The following IFT81 variants were observed in gnomAD, a reference collection of about 807,000 sequenced individuals.
The protein encoded by IFT81 is intraflagellar transport 81.
Under a neutral mutation model 102.6 loss-of-function variants are expected in IFT81, and 72 were observed. The observed-to-expected ratio is 0.70, with a 90% confidence interval of 0.58 to 0.85. The LOEUF (loss-of-function observed/expected upper bound fraction) is 0.85, where lower values mean the gene tolerates loss of function less well. IFT81 is among the 40% of genes least tolerant of loss of function. The pLI is 0.00. For missense variants in IFT81, 723 were observed against 787.3 expected, an observed-to-expected ratio of 0.92 and a Z score of 0.98; for synonymous variants, 237 against 242.7, an observed-to-expected ratio of 0.98 and a Z score of 0.22.
At chr12:110,204,429 T>A (rs1439829766) in intron 15 of IFT81, 5 of 155,294 alleles carry the variant, frequency 3.2e-5, no homozygotes, top group African/African-American at 1.2e-4. Context: ...CTTCATTGGC[T>A]TCCTGTTGCA....
intron 11 of IFT81, among the ~76,000 whole-genome samples, chr12:110,178,264 A>C (rs964573134): frequency 3.3e-5 from 5 of 151,886 alleles, no homozygotes; most frequent in African/African-American, 1.2e-4. Flanking sequence ...AAATACAAAA[A>C]TTAGCCTGGC....
At chr12:110,173,709 G>A (rs1896896342) in intron 11 of IFT81, among the ~76,000 whole-genome samples, 1 of 152,162 alleles carries the variant, frequency 6.6e-6, no homozygotes, top group Admixed American at 6.5e-5. Flanking sequence ...TCCACTCAGG[G>A]TTAAATGGAT....
intron 12 of IFT81, among the ~76,000 whole-genome samples, chr12:110,182,610 T>C (rs1897352187): frequency 6.6e-6 from 1 of 152,176 alleles, no homozygotes; most frequent in Admixed American, 6.5e-5. Context: ...TAAATATATT[T>C]CTTTCTGTCC....
intron 18 of IFT81, among the ~76,000 whole-genome samples, chr12:110,212,255 A>C (rs1032542489): frequency 1.3e-5 from 2 of 151,898 alleles, no homozygotes; most frequent in Non-Finnish European, 2.9e-5. Context: ...AAAAAAAAAA[A>C]AAAAACTTGG....
intron 12 of IFT81, among the ~76,000 whole-genome samples, chr12:110,181,282 A>C (rs1897307415): frequency 6.6e-6 from 1 of 152,226 alleles, no homozygotes; most frequent in Non-Finnish European, 1.5e-5. Flanking sequence ...TTTACTGTGA[A>C]TCAACATGGA....
intron 10 of IFT81, among the ~76,000 whole-genome samples, chr12:110,161,449 A>AC (rs1263075502): frequency 1.6e-5 from 2 of 123,376 alleles, no homozygotes; most frequent in African/African-American, 6.3e-5. Context: ...CGCCTGACCC[A>AC]CTTTTTTTTT....
intron 14 of IFT81, among the ~76,000 whole-genome samples, chr12:110,195,090 T>C (rs1897944454): frequency 6.6e-6 from 1 of 152,146 alleles, no homozygotes; most frequent in African/African-American, 2.4e-5. Flanking sequence ...ATAGGTAAAT[T>C]TATATATTTA....
chr12:110,139,866 T>TAAATAAAATAAAATAAAATATAAA (rs1477964163), intron 8 of IFT81, among the ~76,000 whole-genome samples: 16 of 130,058 alleles, frequency 1.2e-4, no homozygotes, highest in African/African-American at 4.3e-4. Context: ...TAAAATAAAA[T>TAAATAAAATAAAATAAAATATAAA]ATAAAATAAA....
At chr12:110,134,144 G>C (rs1284479803) in intron 5 of IFT81, among the ~76,000 whole-genome samples, 1 of 152,172 alleles carries the variant, frequency 6.6e-6, no homozygotes, top group Non-Finnish European at 1.5e-5. Flanking sequence ...GGGATTACAG[G>C]CACTTGCCAC....
Position 110,136,800 on chromosome 12 carries a change from C to A in IFT81, c.721C>A (p.Gln241Lys). The A allele has an allele frequency of 6.2e-7, 1 of 1,611,226 alleles. No homozygotes were observed. The highest frequency in any genetic ancestry group is 8.5e-7 in the Non-Finnish European group (1 of 1,177,978). ...GCTATTTCATGCAGTGCAAAGATTGCAAAGAGTACAAAACCAGCTGAAAAG... is the reference window on the plus strand; with the variant it reads ...GCTATTTCATGCAGTGCAAAGATTGAAAAGAGTACAAAACCAGCTGAAAAG... ...NQLFHAVQRL[Q>K]RVQNQLKSMR... The change falls in exon 8 of 19, where the codon CAA becomes AAA. Residue 241 changes from glutamine (Q) to lysine (K), a missense_variant. Gln to Lys is a moderately conservative substitution (Grantham distance 53). Transcript: ENST00000242591.
intron 11 of IFT81, among the ~76,000 whole-genome samples, chr12:110,179,778 A>ACG (rs767378585): frequency 0.013 from 1,668 of 125,068 alleles, 81 homozygotes; most frequent in South Asian, 0.025. Context: ...ATATATACAC[A>ACG]CACACACACA....
Position 110,135,433 on chromosome 12 carries a change from A to T in IFT81, c.692A>T (p.Asn231Ile). ...GCACAACAGAAACAGGAACAAAAGA[A>T]TCAGGTATCCACATAAAAGTTTATA... ...YLAQQKQEQK[N>I]QLFHAVQRLQ... The change falls in exon 7 of 19, where the codon AAT (asparagine) becomes ATT (isoleucine). Residue 231 changes from asparagine to isoleucine, a missense_variant. Asn to Ile is a moderately radical substitution (Grantham distance 149, BLOSUM62 -3). Transcript: ENST00000242591. 1 of 1,572,080 alleles carries T rather than the reference A, an allele frequency of 6.4e-7. No homozygotes were observed. The highest frequency in any genetic ancestry group is 8.7e-7 in the Non-Finnish European group (1 of 1,143,914).
chr12:110,202,443 A>C (rs753455559), intron 14 of IFT81, among the ~76,000 whole-genome samples: 1 of 151,912 alleles, frequency 6.6e-6, no homozygotes, highest in African/African-American at 2.4e-5. Flanking sequence ...CCTGAATTCA[A>C]ATTGTGATTC....
chr12:110,177,164 T>G (rs1483356552), intron 11 of IFT81, among the ~76,000 whole-genome samples: 1 of 152,256 alleles, frequency 6.6e-6, no homozygotes, highest in East Asian at 1.9e-4. Flanking sequence ...GTGTGAGGGC[T>G]GGATTCCTTA....
At position 110,183,349 on chromosome 12, in the gene IFT81, A is replaced by G. The variant is rs541520479; in HGVS notation, c.1338+2778A>G. Among the ~76,000 whole-genome samples, 3 of 152,266 alleles carry G rather than the reference A, an allele frequency of 2.0e-5. No homozygotes were observed. In the South Asian group the frequency reaches 6.2e-4, roughly 32 times the overall value. ...CGATGTTATTAAATTGCCACAAAATAGGGGGTTGGTTTCCTCAAGGGATGA... is the reference window on the plus strand; with the variant it reads ...CGATGTTATTAAATTGCCACAAAATGGGGGGTTGGTTTCCTCAAGGGATGA... On this transcript the variant is annotated intron_variant, in intron 12 of 18. Transcript: ENST00000242591.
chr12:110,163,125 G>C, intron 11 of IFT81, 60 bp downstream of exon 11: 1 of 1,391,348 alleles, frequency 7.2e-7, no homozygotes, highest in Non-Finnish European at 9.9e-7. Context: ...GAAACTATTA[G>C]TGTGTTTGAC....
chr12:110,205,759 C>G (rs561242472), intron 17 of IFT81, 79 bp downstream of exon 17: 7 of 869,682 alleles, frequency 8.0e-6, no homozygotes, highest in Admixed American at 5.2e-5. Context: ...TAGAATTATA[C>G]AAATTTAGCA....
intron 10 of IFT81, among the ~76,000 whole-genome samples, chr12:110,159,636 C>G (rs536825796): frequency 6.6e-6 from 1 of 152,266 alleles, no homozygotes; most frequent in East Asian, 1.9e-4. Flanking sequence ...ACCTATAATT[C>G]CTCTAGAAGT....
chr12:110,157,685 A>G (rs867495608), intron 10 of IFT81, among the ~76,000 whole-genome samples: 82 of 152,306 alleles, frequency 5.4e-4, no homozygotes, highest in African/African-American at 1.8e-3. Flanking sequence ...GGTATCCCAC[A>G]TATCCCTTAG....
Sources: gnomAD v4.1 joint callset for allele counts (sites outside exome capture counted in the v4.1 genomes callset) on GRCh38, gnomAD v4.1.1 for gene constraint, MANE v1.5 for transcripts, NCBI Gene and HGNC (gene_info 2026-07-23, HGNC 2026-07-21) for gene names.